The following MOSPD2 variants were observed in gnomAD, a reference collection of about 807,000 sequenced individuals.
The protein encoded by MOSPD2 is motile sperm domain-containing protein 2.
A neutral mutation model predicts 41.7 loss-of-function variants in MOSPD2; 5 were observed. The observed-to-expected ratio is 0.12, with a 90% confidence interval of 0.06 to 0.25. The LOEUF (loss-of-function observed/expected upper bound fraction) is 0.25. Ranked by LOEUF, MOSPD2 falls within the 10% of genes least tolerant of loss-of-function variation. MOSPD2 has a pLI of 1.00. For synonymous variants in MOSPD2, 115 were observed against 126.9 expected, an observed-to-expected ratio of 0.91 and a Z score of 0.63; for missense variants, 282 against 375.2, an observed-to-expected ratio of 0.75 and a Z score of 2.05.
At chrX:14,897,322 C>T in intron 5 of MOSPD2, 84 bp downstream of exon 5, 1 of 816,264 alleles carries the variant, frequency 1.2e-6, no homozygotes. Flanking sequence ...CCACATATTG[C>T]TGTAAAATTG....
intron 7 of MOSPD2, among the ~76,000 whole-genome samples, chrX:14,904,793 CAG>C (rs1243933538): frequency 2.7e-5 from 3 of 111,709 alleles, no homozygotes; most frequent in East Asian, 2.8e-4. Context: ...CCTCAGTGTT[CAG>C]AGTTTTTATT....
chrX:14,889,180 T>A (rs2092548901), intron 2 of MOSPD2, among the ~76,000 whole-genome samples: 1 of 110,894 alleles, frequency 9.0e-6, no homozygotes. Context: ...GGAGGAACCC[T>A]TATGGCCTAA....
chrX:14,879,407 A>C (rs1313918698), intron 2 of MOSPD2, among the ~76,000 whole-genome samples: 1 of 111,447 alleles, frequency 9.0e-6, no homozygotes, highest in East Asian at 2.8e-4. Context: ...TTTCACCTTC[A>C]TCCTCTCACA....
At chrX:14,910,931 T>TACACACACAC (rs35768433) in intron 8 of MOSPD2, among the ~76,000 whole-genome samples, 28 of 100,639 alleles carry the variant, frequency 2.8e-4, no homozygotes, top group Non-Finnish European at 4.9e-4. Flanking sequence ...TCTTTAAAAA[T>TACACACACAC]ACACACACAC....
intron 2 of MOSPD2, among the ~76,000 whole-genome samples, chrX:14,878,316 C>T (rs116271937): frequency 0.025 from 2,833 of 111,562 alleles, 78 homozygotes; most frequent in African/African-American, 0.087. Context: ...GAAGTTGCAC[C>T]AATATTCATT....
In MOSPD2 at chrX:14,920,771, A is replaced by T; in HGVS notation, c.*962A>T. The T allele has an allele frequency of 1.3e-6, 1 of 753,275 alleles. No individual in the cohort carries two copies. The highest frequency in any genetic ancestry group is 1.6e-6 in the Non-Finnish European group (1 of 638,542). The allele number at this position is 753,275 out of a possible 1,213,427, so 62.1% of individuals were successfully genotyped here. ...ATTTTTTTGAAAGGTTAGTTGTTTG[A>T]GATGCTAAGCAGGATAATAAATTTA... On this transcript the variant is annotated 3_prime_UTR_variant, in exon 15 of 15. Transcript: ENST00000380492.
chrX:14,879,403 C>T (rs751489330), intron 2 of MOSPD2, among the ~76,000 whole-genome samples: 47 of 111,511 alleles, frequency 4.2e-4, no homozygotes, highest in Non-Finnish European at 7.4e-4. Context: ...CCTTTTTCAC[C>T]TTCATCCTCT....
At chrX:14,879,127 T>C (rs2092526869) in intron 2 of MOSPD2, among the ~76,000 whole-genome samples, 2 of 112,402 alleles carry the variant, frequency 1.8e-5, no homozygotes, top group African/African-American at 6.5e-5. Flanking sequence ...TCAGTTATAT[T>C]CTCAGATATG....
intron 5 of MOSPD2, among the ~76,000 whole-genome samples, chrX:14,900,101 T>G (rs1379456023): frequency 1.8e-5 from 2 of 112,336 alleles, no homozygotes; most frequent in African/African-American, 6.5e-5. Context: ...AAAATATATT[T>G]TATTGACACT....
In MOSPD2 at chrX:14,921,328, T is replaced by G. The variant is rs1310159784; in HGVS notation, c.*1519T>G. The G allele has an allele frequency of 1.7e-5, 16 of 934,530 alleles. No individual in the cohort carries two copies. The highest frequency in any genetic ancestry group is 2.0e-5 in the Non-Finnish European group (15 of 754,622). 77.0% of individuals were successfully genotyped at this position (934,530 alleles called of 1,213,427 possible). ...AAAATTGGCCTAGGAAATAAAACCT[T>G]AAAAGGACACTGGTGTGCTACTTTG... On this transcript the variant is annotated 3_prime_UTR_variant, in exon 15 of 15. Coordinates refer to ENST00000380492, the MANE Select transcript of MOSPD2 (RefSeq NM_152581.4).
Position 14,873,769 on chromosome X carries a change from T to G in MOSPD2, c.79+11T>G, listed in dbSNP as rs753569122. 107 of 1,184,305 alleles carry G rather than the reference T, an allele frequency of 9.0e-5. No homozygotes were observed. Among genetic ancestry groups the G allele is most frequent in the Non-Finnish European group, 1.2e-4 (104 of 871,695 alleles). ...CTGAGTATGTGACAGGTGGGTACTC[T>G]GTTCCAGGTATTAAGAAAGGTGTGC... On this transcript the variant is annotated intron_variant, in intron 2 of 14. Transcript: ENST00000380492.
At chrX:14,894,700 TC>T (rs2092559975) in intron 3 of MOSPD2, among the ~76,000 whole-genome samples, 1 of 110,607 alleles carries the variant, frequency 9.0e-6, no homozygotes, top group African/African-American at 3.3e-5. Context: ...CAAATGATAC[TC>T]CCGTGTTGGC....
chrX:14,900,573 A>G lies in MOSPD2; in HGVS notation c.478-2A>G. 9.0e-7 allele frequency: 1 copy of G among 1,111,679 alleles called. No individual in the cohort carries two copies. Among genetic ancestry groups the G allele is most frequent in the Non-Finnish European group, 1.2e-6 (1 of 822,412 alleles). The allele number at this position is 1,111,679 out of a possible 1,213,427, so 91.6% of individuals were successfully genotyped here. ...GTCTTAAAGATTTAATCTTTATTTT[A>G]GGACATGGACTTTGTACGCTTTATC... is the stretch of plus-strand genomic sequence containing the variant. On this transcript the variant is annotated splice_acceptor_variant, in intron 5 of 14. Coordinates refer to ENST00000380492, the MANE Select transcript of MOSPD2 (RefSeq NM_152581.4). LOFTEE classifies it high-confidence loss of function.
chrX:14,881,239 T>C (rs1356173499), intron 2 of MOSPD2, among the ~76,000 whole-genome samples: 2 of 110,672 alleles, frequency 1.8e-5, no homozygotes, highest in African/African-American at 6.6e-5. Flanking sequence ...TTTGTCCTTT[T>C]TTTTTTTTAA....
At chrX:14,907,060 TATTTGAATAGATGTTTTTCTAAAGAAG>T (rs1183835309) in intron 7 of MOSPD2, among the ~76,000 whole-genome samples, 1 of 111,610 alleles carries the variant, frequency 9.0e-6, no homozygotes, top group Non-Finnish European at 1.9e-5. Context: ...ACGAGTGAAA[TATTTGAATAGATGTTTTTCTAAAGAAG>T]ATAAACAAAT....
Position 14,897,073 on chromosome X carries a change from T to A in MOSPD2, c.323-11T>A. 1 of 1,160,849 alleles carries A rather than the reference T, an allele frequency of 8.6e-7. No homozygotes were observed. The highest frequency in any genetic ancestry group is 1.1e-6 in the Non-Finnish European group (1 of 870,240). On this transcript the variant is annotated splice_polypyrimidine_tract_variant and intron_variant, in intron 4 of 14. Transcript: ENST00000380492. ...ATAAGTCTTGTTCTTATTTTTATCT[T>A]CTGCTTAAAGTCTGGATCAGGGTGA...
intron 13 of MOSPD2, among the ~76,000 whole-genome samples, chrX:14,916,905 CA>C (rs2092601161): frequency 8.9e-6 from 1 of 112,201 alleles, no homozygotes; most frequent in African/African-American, 3.2e-5. Flanking sequence ...CAGGTTGTGA[CA>C]AATTTCTTGA....
At position 14,873,469 on chromosome X, in the gene MOSPD2, C is replaced by T. The variant is rs947294398; in HGVS notation, c.-60C>T. 1.0e-4 allele frequency: 125 copies of T among 1,207,024 alleles called. 2 individuals are homozygous for T. Among genetic ancestry groups the T allele is most frequent in the Non-Finnish European group, 1.4e-4 (121 of 892,246 alleles). On this transcript the variant is annotated 5_prime_UTR_variant, in exon 1 of 15. Coordinates refer to ENST00000380492, the MANE Select transcript of MOSPD2 (RefSeq NM_152581.4). ...CGGGACTGCCGGGTGATGAGATACT[C>T]GGTCGGCGACGGTAGAACGGGCGAC...
intron 8 of MOSPD2, among the ~76,000 whole-genome samples, chrX:14,910,659 T>C (rs1032945799): frequency 2.2e-4 from 25 of 111,698 alleles, no homozygotes; most frequent in African/African-American, 8.1e-4. Flanking sequence ...TAGATAGCTG[T>C]TGCCAAATTT....
Sources: gnomAD v4.1 joint callset for allele counts (sites outside exome capture counted in the v4.1 genomes callset) on GRCh38, gnomAD v4.1.1 for gene constraint, MANE v1.5 for transcripts, NCBI Gene and HGNC (gene_info 2026-07-23, HGNC 2026-07-21) for gene names.